Variants in FHIT observed in about 807,000 individuals in gnomAD.
FHIT encodes bis(5'-adenosyl)-triphosphatase.
In FHIT, 19 loss-of-function variants were observed where a neutral mutation model predicts 17.9. The observed-to-expected ratio is 1.06, with a 90% CI of 0.74 to 1.56. FHIT has a LOEUF of 1.56. Among genes scored for constraint, FHIT ranks in the 40% most tolerant of loss-of-function variants. The pLI is 0.00. For missense variants in FHIT, 248 were observed against 189.2 expected, an observed-to-expected ratio of 1.31 and a Z score of -1.82; for synonymous variants, 81 against 69.7, an observed-to-expected ratio of 1.16 and a Z score of -0.81.
At chr3:60,958,459 T>C (rs1287644400) in intron 3 of FHIT, among the ~76,000 whole-genome samples, 2 of 152,212 alleles carry the variant, frequency 1.3e-5, no homozygotes, top group Non-Finnish European at 2.9e-5. Flanking sequence ...ATAAAATAGA[T>C]GTAGTATTAT....
intron 5 of FHIT, among the ~76,000 whole-genome samples, chr3:60,051,806 G>A (rs1701891708): frequency 1.3e-5 from 2 of 151,924 alleles, no homozygotes; most frequent in Admixed American, 1.3e-4. Flanking sequence ...AACCATATAT[G>A]GTGACTTCTC....
At chr3:59,903,982 C>T (rs980993857) in intron 8 of FHIT, among the ~76,000 whole-genome samples, 18 of 151,972 alleles carry the variant, frequency 1.2e-4, no homozygotes, top group Non-Finnish European at 2.6e-4. Flanking sequence ...AATCAGAACC[C>T]AGGAAGTATG....
At chr3:60,051,635 T>C (rs1701884549) in intron 5 of FHIT, among the ~76,000 whole-genome samples, 1 of 152,148 alleles carries the variant, frequency 6.6e-6, no homozygotes, top group African/African-American at 2.4e-5. Context: ...AATCTGAGTA[T>C]CTATATCTGT....
chr3:60,088,739 A>T (rs566092971), intron 5 of FHIT, among the ~76,000 whole-genome samples: 16 of 152,352 alleles, frequency 1.1e-4, no homozygotes, highest in African/African-American at 3.6e-4. Flanking sequence ...CCAAAGTTAT[A>T]GAAAAACAAA....
intron 3 of FHIT, among the ~76,000 whole-genome samples, chr3:60,982,211 G>C (rs189029044): frequency 6.6e-6 from 1 of 152,192 alleles, no homozygotes; most frequent in Non-Finnish European, 1.5e-5. Context: ...CCTGGCCTAC[G>C]GGGCCTTCCA....
intron 5 of FHIT, among the ~76,000 whole-genome samples, chr3:60,048,154 G>C (rs959865115): frequency 1.3e-5 from 2 of 152,042 alleles, no homozygotes; most frequent in African/African-American, 2.4e-5. Flanking sequence ...CCACCGTAAT[G>C]GTTTCATTTT....
intron 7 of FHIT, among the ~76,000 whole-genome samples, chr3:59,937,400 ATGGC>A (rs1706294684): frequency 6.6e-6 from 1 of 152,190 alleles, no homozygotes; most frequent in Non-Finnish European, 1.5e-5. Flanking sequence ...GTTAAAAGTG[ATGGC>A]TGTCACTTCA....
intron 8 of FHIT, among the ~76,000 whole-genome samples, chr3:59,865,195 A>T (rs941529666): frequency 1.3e-5 from 2 of 152,264 alleles, no homozygotes; most frequent in Non-Finnish European, 2.9e-5. Context: ...TATCAAACTT[A>T]AAAGCATAAA....
chr3:60,160,768 T>A (rs1489869830), intron 5 of FHIT, among the ~76,000 whole-genome samples: 1 of 152,010 alleles, frequency 6.6e-6, no homozygotes, highest in African/African-American at 2.4e-5. Flanking sequence ...CAATAACACA[T>A]TGTTACTTGT....
intron 5 of FHIT, among the ~76,000 whole-genome samples, chr3:60,087,733 G>A (rs1460024508): frequency 6.6e-6 from 1 of 152,152 alleles, no homozygotes; most frequent in Admixed American, 6.5e-5. Flanking sequence ...TTTCATCTGA[G>A]ACCTTGTCAG....
At chr3:60,520,837 C>G (rs950875684) in intron 5 of FHIT, among the ~76,000 whole-genome samples, 6 of 152,082 alleles carry the variant, frequency 3.9e-5, no homozygotes, top group African/African-American at 1.4e-4. Flanking sequence ...CAAAGCAACT[C>G]TAAGCCATGA....
chr3:59,782,433 A>T (rs1575485494), intron 8 of FHIT, among the ~76,000 whole-genome samples: 1 of 152,222 alleles, frequency 6.6e-6, no homozygotes, highest in East Asian at 1.9e-4. Flanking sequence ...ACATCCATTA[A>T]ATAAAGAGAA....
intron 3 of FHIT, among the ~76,000 whole-genome samples, chr3:60,952,219 C>G (rs1708920786): frequency 1.3e-5 from 2 of 148,770 alleles, no homozygotes; most frequent in Non-Finnish European, 3.0e-5. Flanking sequence ...CTATCTATAC[C>G]ACACCGAATC....
chr3:59,807,970 G>A (rs3100803), intron 8 of FHIT, among the ~76,000 whole-genome samples: 121,227 of 152,074 alleles, frequency 0.8, 48,730 homozygotes, highest in Middle Eastern at 0.93. Context: ...AAAGTATATC[G>A]TTCAGTGGCA....
intron 1 of FHIT, among the ~76,000 whole-genome samples, chr3:61,248,464 A>G (rs1469918812): frequency 6.6e-6 from 1 of 152,238 alleles, no homozygotes; most frequent in Non-Finnish European, 1.5e-5. Context: ...ATCTGTGAAT[A>G]CATAATTGAA....
chr3:59,998,775 A>C (rs212017), intron 7 of FHIT, among the ~76,000 whole-genome samples: 17,989 of 152,048 alleles, frequency 0.12, 1,279 homozygotes, highest in African/African-American at 0.2. Flanking sequence ...TTCCCTACAG[A>C]CTCTCAGAGA....
chr3:60,009,626 T>G (rs1163395123), intron 7 of FHIT, among the ~76,000 whole-genome samples: 1 of 152,138 alleles, frequency 6.6e-6, no homozygotes, highest in East Asian at 1.9e-4. Context: ...GTGTGTGTGT[T>G]TATTATTTTT....
At chr3:60,408,342 C>T (rs1056882440) in intron 5 of FHIT, among the ~76,000 whole-genome samples, 1 of 152,236 alleles carries the variant, frequency 6.6e-6, no homozygotes, top group East Asian at 1.9e-4. Flanking sequence ...TGTCAGACCC[C>T]TCCTGCAACT....
chr3:60,334,994 T>G (rs953850629), intron 5 of FHIT, among the ~76,000 whole-genome samples: 4 of 152,216 alleles, frequency 2.6e-5, no homozygotes, highest in Non-Finnish European at 4.4e-5. Flanking sequence ...CCAACAAAAC[T>G]TCCTTTTTCA....
Sources: allele counts gnomAD v4.1 joint callset (sites outside exome capture counted in the v4.1 genomes callset), GRCh38; gene constraint gnomAD v4.1.1; transcripts MANE v1.5; gene names NCBI Gene and HGNC (gene_info 2026-07-23, HGNC 2026-07-21).